Variants in EIF4B observed in about 807,000 individuals in gnomAD.
EIF4B encodes the protein eukaryotic translation initiation factor 4B.
A neutral mutation model predicts 79.3 loss-of-function variants in EIF4B; 8 were observed. That is an observed-to-expected ratio of 0.10 (90% CI 0.06 to 0.18). The LOEUF (loss-of-function observed/expected upper bound fraction) is 0.18. EIF4B is among the 10% of genes least tolerant of loss of function. The pLI, the probability that EIF4B is intolerant of heterozygous loss-of-function variation, is 1.00. For missense variants in EIF4B, 515 were observed against 792.4 expected (o/e 0.65, Z 4.20); for synonymous variants, 238 against 274.7 (o/e 0.87, Z 1.32).
intron 6 of EIF4B, among the ~76,000 whole-genome samples, chr12:53,022,898 T>G (rs1943270273): frequency 6.6e-6 from 1 of 152,192 alleles, no homozygotes. Context: ...AAACTGGGCA[T>G]GGTGGCTATA....
At chr12:53,012,567 C>T (rs565485761) in intron 1 of EIF4B, among the ~76,000 whole-genome samples, 45 of 150,760 alleles carry the variant, frequency 3.0e-4, no homozygotes, top group African/African-American at 1.0e-3. Context: ...AAAAAAAAGA[C>T]TTATCCAACA....
At chr12:53,007,938 G>A (rs1942996073) in intron 1 of EIF4B, among the ~76,000 whole-genome samples, 1 of 152,174 alleles carries the variant, frequency 6.6e-6, no homozygotes, top group South Asian at 2.1e-4. Context: ...CTCTCAGCTG[G>A]CAGAGCAAGG....
rs200015278 is a variant in EIF4B at position 53,006,479 on chromosome 12, C to T, written c.-5C>T. The T allele has an allele frequency of 1.0e-4, 163 of 1,613,552 alleles. No individual in the cohort carries two copies. The African/African-American group carries it at 1.6e-3, about 16-fold the overall frequency. ...GTCTTTTGCGTTCTCTTTCCCTCTC[C>T]CAACATGGCGGCCTCAGGTGAGCGA... On this transcript the variant is annotated 5_prime_UTR_variant, in exon 1 of 15. Coordinates refer to ENST00000262056, the MANE Select transcript of EIF4B (RefSeq NM_001417.7).
At chr12:53,036,031 G>A (rs555323758) in intron 10 of EIF4B, among the ~76,000 whole-genome samples, 4 of 113,046 alleles carry the variant, frequency 3.5e-5, no homozygotes, top group East Asian at 2.7e-4. Flanking sequence ...TGATCCACCC[G>A]TCTCGGCCTC....
chr12:53,020,088 C>A lies in EIF4B; in HGVS notation c.477+62C>A. On this transcript the variant is annotated intron_variant, in intron 4 of 14. Coordinates refer to ENST00000262056, the MANE Select transcript of EIF4B (RefSeq NM_001417.7). Reference sequence around the variant, plus strand: ...GTTCACAAATCTCATGTTTATTGATCAAACTGGTATTTTTTAGGTTGAGAG... The same window carrying A: ...GTTCACAAATCTCATGTTTATTGATAAAACTGGTATTTTTTAGGTTGAGAG... 3 of 1,392,762 alleles carry A rather than the reference C, an allele frequency of 2.2e-6. No homozygotes were observed. In the South Asian group the frequency reaches 3.9e-5, roughly 18 times the overall value. The allele number at this position is 1,392,762 out of a possible 1,614,324, so 86.3% of individuals were successfully genotyped here.
intron 1 of EIF4B, among the ~76,000 whole-genome samples, chr12:53,011,875 T>C (rs577520140): frequency 3.3e-5 from 5 of 152,238 alleles, no homozygotes; most frequent in Non-Finnish European, 7.3e-5. Context: ...GATTGATTTG[T>C]TAACTTTTTA....
chr12:53,029,923 T>C (rs1346937489), intron 8 of EIF4B, among the ~76,000 whole-genome samples: 1 of 51,714 alleles, frequency 1.9e-5, no homozygotes, highest in East Asian at 5.7e-4. Context: ...ATGTTTGTTT[T>C]TTTTAAAAAA....
At position 53,010,399 on chromosome 12, in the gene EIF4B, C is replaced by T. The variant is rs987579420; in HGVS notation, c.13+3903C>T. 1.2e-4 allele frequency among the ~76,000 whole-genome samples: 18 copies of T among 152,296 alleles called. No homozygotes were observed. The East Asian group carries it at 3.3e-3, about 28-fold the overall frequency. On this transcript the variant is annotated intron_variant, in intron 1 of 14. Coordinates refer to ENST00000262056, the MANE Select transcript of EIF4B (RefSeq NM_001417.7). The stretch of plus-strand genomic sequence containing the variant: ...AATGGGTTTATCCGGATAGTAAATG[C>T]ATTTTTTTACTTGAGAAGGGTTTAT...
In EIF4B at chr12:53,028,202, T is replaced by G. The variant is rs754256614; in HGVS notation, c.979+14T>G. 20 of 1,551,220 alleles carry G rather than the reference T, an allele frequency of 1.3e-5. 1 individual carries two copies. In the South Asian group the frequency reaches 2.5e-4, roughly 19 times the overall value. The stretch of plus-strand genomic sequence containing the variant: ...GTGATGATAGAGGTAATAGTTTTCT[T>G]TTTACGTACTTCATGGAGCAGAAAC... On this transcript the variant is annotated intron_variant, in intron 8 of 14. Transcript: ENST00000262056.
At chr12:53,027,943 G>A (rs779964883) in intron 7 of EIF4B, 24 bp downstream of exon 7, 1 of 1,598,554 alleles carries the variant, frequency 6.3e-7, no homozygotes, top group Non-Finnish European at 8.5e-7. Flanking sequence ...ATGTCGAATT[G>A]CTCTTTCAGT....
intron 11 of EIF4B, 95 bp downstream of exon 11, chr12:53,037,717 T>C: frequency 6.1e-6 from 8 of 1,313,106 alleles, no homozygotes; most frequent in African/African-American, 1.5e-5. Flanking sequence ...CAGCGTTGTA[T>C]AGCACCTTAT....
intron 10 of EIF4B, among the ~76,000 whole-genome samples, chr12:53,035,619 C>T (rs1020145470): frequency 1.3e-5 from 2 of 152,012 alleles, no homozygotes; most frequent in South Asian, 2.1e-4. Flanking sequence ...CCACCCGACT[C>T]GGCCTCCCAA....
intron 8 of EIF4B, among the ~76,000 whole-genome samples, chr12:53,030,573 G>A (rs543165416): frequency 6.0e-5 from 9 of 151,098 alleles, no homozygotes; most frequent in African/African-American, 1.7e-4. Context: ...CACCACGCCC[G>A]GCTAATTTTT....
rs752478012 is a variant in EIF4B at position 53,022,608 on chromosome 12, T to C, written c.648T>C (p.Gly216=). The part of the protein sequence containing the change: ...DSFDDYPPRR[G]DDSFGDKYRD... ...TTGATGACTACCCACCTAGAAGAGG[T>C]GATGATAGCTTTGGAGACAGTAAGT... is the stretch of plus-strand genomic sequence containing the variant. Residue 216 remains glycine, a synonymous_variant, in exon 6 of 15, where the codon GGT becomes GGC. Transcript: ENST00000262056. The C allele has an allele frequency of 6.2e-7, 1 of 1,613,076 alleles. No individual in the cohort carries two copies. The highest frequency in any genetic ancestry group is 1.3e-5 in the African/African-American group (1 of 74,684).
At chr12:53,019,815 T>C in intron 3 of EIF4B, 95 bp from the exon 4 acceptor site, 2 of 1,161,710 alleles carry the variant, frequency 1.7e-6, no homozygotes, top group Non-Finnish European at 2.5e-6. Flanking sequence ...TCAGAAAAAT[T>C]CATGCACATA....
In EIF4B at chr12:53,037,633, T is replaced by C. The variant is rs1486698995; in HGVS notation, c.1520+11T>C. On this transcript the variant is annotated intron_variant, in intron 11 of 14. Coordinates refer to ENST00000262056, the MANE Select transcript of EIF4B (RefSeq NM_001417.7). ...GCAGTCCCCTACAAGGTGAGTCAGT[T>C]TGGAAACAGTAGTTGGTTAACTGCA... is the stretch of plus-strand genomic sequence containing the variant. 1 of 1,613,430 alleles carries C rather than the reference T, an allele frequency of 6.2e-7. No homozygotes were observed. Among genetic ancestry groups the C allele is most frequent in the Non-Finnish European group, 8.5e-7 (1 of 1,179,562 alleles).
intron 2 of EIF4B, 117 bp downstream of exon 2, chr12:53,016,727 G>A: frequency 7.3e-7 from 1 of 1,369,318 alleles, no homozygotes; most frequent in Non-Finnish European, 9.7e-7. Context: ...TTTAGCACCT[G>A]AAATCTTACA....
chr12:53,025,882 C>G (rs944034145), intron 6 of EIF4B, among the ~76,000 whole-genome samples: 1 of 151,872 alleles, frequency 6.6e-6, no homozygotes, highest in Non-Finnish European at 1.5e-5. Context: ...CGGAGGCGGG[C>G]GGATCATGAG....
At position 53,037,741 on chromosome 12, in the gene EIF4B, T is replaced by C. The variant is rs1014958761; in HGVS notation, c.1520+119T>C. 4.1e-5 allele frequency: 46 copies of C among 1,116,210 alleles called. No individual in the cohort carries two copies. In the African/African-American group the frequency reaches 7.2e-4, roughly 18 times the overall value. The allele number at this position is 1,116,210 out of a possible 1,614,324, so 69.1% of individuals were successfully genotyped here. ...ATAGCACCTTATAAGTTATGCTGGC[T>C]TTAGTCTCTTAGTGTGCTGGAACTG... On this transcript the variant is annotated intron_variant, in intron 11 of 14. Coordinates refer to ENST00000262056, the MANE Select transcript of EIF4B (RefSeq NM_001417.7).
Sources: allele counts gnomAD v4.1 joint callset (sites outside exome capture counted in the v4.1 genomes callset), GRCh38; gene constraint gnomAD v4.1.1; transcripts MANE v1.5; gene names NCBI Gene and HGNC (gene_info 2026-07-23, HGNC 2026-07-21).